Variants in GGT5 observed in about 807,000 individuals in gnomAD.
GGT5 encodes glutathione hydrolase 5 proenzyme.
A neutral mutation model predicts 58.1 loss-of-function variants in GGT5; 50 were observed. That is an observed-to-expected ratio of 0.86 (90% CI 0.69 to 1.09). The LOEUF is 1.09. Among genes scored for constraint, GGT5 ranks in the 50% least tolerant of loss-of-function variants. GGT5 has a pLI of 0.00. For synonymous variants in GGT5, 370 were observed against 346.1 expected (o/e 1.07, Z -0.77); for missense variants, 800 against 789.4 (o/e 1.01, Z -0.16).
chr22:24,233,406 C>T (rs2048006243), intron 3 of GGT5, 92 bp downstream of exon 3: 3 of 716,980 alleles, frequency 4.2e-6, no homozygotes, highest in African/African-American at 1.8e-5. Context: ...GGAGTCACAG[C>T]CTGTCCGTGA....
intron 1 of GGT5, among the ~76,000 whole-genome samples, chr22:24,239,246 G>A (rs560143718): frequency 1.3e-5 from 2 of 151,504 alleles, no homozygotes; most frequent in South Asian, 2.1e-4. Flanking sequence ...GGCTGAAGCA[G>A]GAGAATGGCG....
chr22:24,231,477 C>T lies in GGT5; in HGVS notation c.808G>A (p.Ala270Thr), dbSNP rs761406186. 3.8e-6 allele frequency: 6 copies of T among 1,580,324 alleles called. No homozygotes were observed. Among genetic ancestry groups the T allele is most frequent in the Non-Finnish European group, 5.2e-6 (6 of 1,162,858 alleles). ...LAKFQPEVVDALEVPLGDYTL... is the reference protein window; with the variant it reads ...LAKFQPEVVDTLEVPLGDYTL... ...TAGTCCCCCAGGGGCACCTCCAGGG[C>T]ATCCACCACCTCGGGCTGGAACTTG... Residue 270 changes from alanine (A) to threonine (T), a missense_variant, in exon 6 of 12, where the codon GCC becomes ACC. Transcript: ENST00000327365.
intron 1 of GGT5, chr22:24,244,316 C>CACACA (rs869028949): frequency 1.6e-3 from 531 of 340,446 alleles, no homozygotes; most frequent in Admixed American, 4.0e-3. Flanking sequence ...CACACACACA[C>CACACA]CCACCCACAC....
At chr22:24,235,222 C>T (rs944966136) in intron 1 of GGT5, among the ~76,000 whole-genome samples, 1 of 152,084 alleles carries the variant, frequency 6.6e-6, no homozygotes, top group Non-Finnish European at 1.5e-5. Context: ...CCACGCCTGA[C>T]TAATTTTGTA....
At chr22:24,228,805 A>T (rs2047853440) in intron 6 of GGT5, among the ~76,000 whole-genome samples, 1 of 151,488 alleles carries the variant, frequency 6.6e-6, no homozygotes, top group Non-Finnish European at 1.5e-5. Flanking sequence ...TAAAAATGAT[A>T]TAATGGGCCA....
chr22:24,221,074 A>G (rs558267150), intron 11 of GGT5, among the ~76,000 whole-genome samples: 3 of 150,912 alleles, frequency 2.0e-5, no homozygotes, highest in South Asian at 2.2e-4. Flanking sequence ...TGACTGAGAC[A>G]GGGAAAGAGA....
intron 6 of GGT5, among the ~76,000 whole-genome samples, chr22:24,227,608 A>G (rs981633462): frequency 6.6e-6 from 1 of 152,102 alleles, no homozygotes; most frequent in African/African-American, 2.4e-5. Context: ...TGTGCCCTGA[A>G]TGTGACCACA....
In GGT5 at chr22:24,220,052, A is replaced by T; in HGVS notation, c.1679T>A (p.Val560Glu). 6.2e-7 allele frequency: 1 copy of T among 1,613,900 alleles called. No homozygotes were observed. The highest frequency in any genetic ancestry group is 8.5e-7 in the Non-Finnish European group (1 of 1,179,786). Residue 560 changes from valine to glutamate, a missense_variant, in exon 12 of 12, where the codon GTG becomes GAG. Physicochemically the swap from Val to Glu is moderately radical, Grantham distance 121. Transcript: ENST00000327365. ...CCCCTCCTGGGACACAGCCTGGACC[A>T]CGTTCAGGAAGAAGGGCCTCTGGGT... ...NQTQRPFFLN[V>E]VQAVSQEGAC...
rs1003035593 is a variant in GGT5 at position 24,219,735 on chromosome 22, C to A, written c.*235G>T. The A allele has an allele frequency of 5.0e-5, 27 of 542,502 alleles. No individual in the cohort carries two copies. The highest frequency in any genetic ancestry group is 4.3e-4 in the African/African-American group (23 of 52,876). The allele number at this position is 542,502 out of a possible 1,614,324, so 33.6% of individuals were successfully genotyped here. A position where few individuals can be genotyped will look rare whatever the true frequency, so the allele number is the denominator to read the frequency against. On this transcript the variant is annotated 3_prime_UTR_variant, in exon 12 of 12. Coordinates refer to ENST00000327365, the MANE Select transcript of GGT5 (RefSeq NM_004121.5). ...TGGGAGAGTGGCCCCAGGCAAGAGG[C>A]CTGCGGAGGGATAGAGGGGCCGGTT...
At chr22:24,233,055 C>A (rs1601406761) in intron 3 of GGT5, 37 bp from the exon 4 acceptor site, 6 of 1,397,404 alleles carry the variant, frequency 4.3e-6, no homozygotes, top group Middle Eastern at 2.7e-4. Flanking sequence ...CCTGTGGCTT[C>A]CAGGCCTTCC....
At chr22:24,226,385 C>T in intron 7 of GGT5, 119 bp from the exon 8 acceptor site, 1 of 828,004 alleles carries the variant, frequency 1.2e-6, no homozygotes, top group Non-Finnish European at 1.9e-6. Context: ...TACCTTGTGG[C>T]CAGGTCTCCC....
chr22:24,220,413 A>C, intron 11 of GGT5: 1 of 542,434 alleles, frequency 1.8e-6, no homozygotes. Context: ...TGAGGTGCAA[A>C]TCTGAGTTCA....
intron 1 of GGT5, 134 bp from the exon 2 acceptor site, chr22:24,234,138 G>A (rs374776889): frequency 2.6e-6 from 2 of 783,212 alleles, no homozygotes; most frequent in Admixed American, 2.5e-5. Flanking sequence ...AGATTAGGTT[G>A]CAGAACACAA....
intron 9 of GGT5, 42 bp from the exon 10 acceptor site, chr22:24,225,453 C>T: frequency 6.2e-7 from 1 of 1,609,086 alleles, no homozygotes; most frequent in Non-Finnish European, 8.5e-7. Flanking sequence ...GTGACCCATC[C>T]AGGGGTTAGC....
chr22:24,226,726 T>C lies in GGT5; in HGVS notation c.943A>G (p.Arg315Gly), dbSNP rs756920407. The C allele has an allele frequency of 6.2e-7, 1 of 1,613,684 alleles. No homozygotes were observed. Among genetic ancestry groups the C allele is most frequent in the Non-Finnish European group, 8.5e-7 (1 of 1,179,790 alleles). Reference sequence around the variant, plus strand: ...ACAAGGTGGTGGTACACGTTCACCCTCCCTTCAGGCCTGGCCATAGACTCT... The same window carrying C: ...ACAAGGTGGTGGTACACGTTCACCCCCCCTTCAGGCCTGGCCATAGACTCT... ...STESMARPEG[R>G]VNVYHHLVET... Residue 315 changes from arginine to glycine, a missense_variant, in exon 7 of 12, where the codon AGG (arginine) becomes GGG (glycine). By Grantham distance (125) the Arg-to-Gly change is moderately radical. Transcript: ENST00000327365.
upstream of GGT5, chr22:24,245,095 C>G (rs2048438810): frequency 9.2e-6 from 2 of 217,376 alleles, no homozygotes; most frequent in African/African-American, 4.5e-5. Context: ...ACTCACGCCT[C>G]AACTTCTGGT....
At position 24,238,823 on chromosome 22, in the gene GGT5, AT is replaced by A. The variant is rs1250757459; in HGVS notation, c.174-4820del. Among the ~76,000 whole-genome samples, 71 of 16,636 alleles carry A rather than the reference AT, an allele frequency of 4.3e-3. 2 individuals are homozygous for A. The highest frequency in any genetic ancestry group is 0.018 in the African/African-American group (56 of 3,116). The allele number at this position is 16,636 out of a possible 152,430, so 10.9% of individuals were successfully genotyped here. A position where few individuals can be genotyped will look rare whatever the true frequency, so the allele number is the denominator to read the frequency against. ...TATATATATAATATATTATATATAT[AT>A]ATATATATTTATATATATATATTAT... On this transcript the variant is annotated intron_variant, in intron 1 of 11. Transcript: ENST00000327365.
At chr22:24,241,777 A>G (rs548090403) in intron 1 of GGT5, 6 of 150,142 alleles carry the variant, frequency 4.0e-5, no homozygotes, top group African/African-American at 1.5e-4. Flanking sequence ...TGAAGATATT[A>G]AGATAACCAT....
intron 6 of GGT5, among the ~76,000 whole-genome samples, chr22:24,228,072 C>CAAAAAAAAAAAAAAAAAAAAAAA (rs1183981939): frequency 1.9e-5 from 1 of 51,866 alleles, no homozygotes; most frequent in African/African-American, 7.3e-5. Flanking sequence ...AAAAACAAAA[C>CAAAAAAAAAAAAAAAAAAAAAAA]AAAAAAAAAA....
Sources: allele counts gnomAD v4.1 joint callset (sites outside exome capture counted in the v4.1 genomes callset), GRCh38; gene constraint gnomAD v4.1.1; transcripts MANE v1.5; gene names NCBI Gene and HGNC (gene_info 2026-07-23, HGNC 2026-07-21).